Variants in MALRD1 observed in about 807,000 individuals in gnomAD.
MALRD1 encodes MAM and LDL receptor class A domain containing 1, also known as MAM and LDL-receptor class A domain-containing protein 1.
Under a neutral mutation model 242.1 loss-of-function variants are expected in MALRD1, and 247 were observed. That is an observed-to-expected ratio of 1.02 (90% CI 0.92 to 1.13). The LOEUF (loss-of-function observed/expected upper bound fraction) is 1.13, where lower values mean the gene tolerates loss of function less well. Among genes scored for constraint, MALRD1 ranks in the 50% most tolerant of loss-of-function variants. The probability of loss-of-function intolerance (pLI) is 0.00; values close to 1 mark genes in which losing one functional copy is unlikely to be tolerated. For synonymous variants in MALRD1, 995 were observed against 866.6 expected, an observed-to-expected ratio of 1.15 and a Z score of -2.60; for missense variants, 2,989 against 2,533.1, an observed-to-expected ratio of 1.18 and a Z score of -3.86.
intron 32 of MALRD1, among the ~76,000 whole-genome samples, chr10:19,547,192 G>A (rs985204891): frequency 6.6e-6 from 1 of 152,026 alleles, no homozygotes. Context: ...CTAATTACTT[G>A]GTCTCTTTCA....
At chr10:19,193,469 C>T (rs1171272680) in intron 14 of MALRD1, among the ~76,000 whole-genome samples, 3 of 152,112 alleles carry the variant, frequency 2.0e-5, no homozygotes, top group Non-Finnish European at 4.4e-5. Context: ...ATGAAAGGAT[C>T]TCTTGAGCCT....
chr10:19,428,943 A>C (rs1834010810), intron 28 of MALRD1, among the ~76,000 whole-genome samples: 1 of 152,192 alleles, frequency 6.6e-6, no homozygotes, highest in South Asian at 2.1e-4. Context: ...ACATGAGCCT[A>C]TCTGTAGTCT....
intron 26 of MALRD1, among the ~76,000 whole-genome samples, chr10:19,377,111 A>G (rs1177068691): frequency 6.6e-6 from 1 of 152,208 alleles, no homozygotes; most frequent in African/African-American, 2.4e-5. Context: ...ATGCTGAGGC[A>G]TAAATAAAAC....
chr10:19,576,609 C>A (rs1189522011), intron 33 of MALRD1, among the ~76,000 whole-genome samples: 1 of 152,188 alleles, frequency 6.6e-6, no homozygotes, highest in Non-Finnish European at 1.5e-5. Context: ...AGTACACCTA[C>A]TGACTTGTCT....
At chr10:19,210,926 G>T (rs1026818597) in intron 18 of MALRD1, among the ~76,000 whole-genome samples, 6 of 152,162 alleles carry the variant, frequency 3.9e-5, no homozygotes, top group African/African-American at 1.2e-4. Context: ...GTAAGCGTGA[G>T]AATGAATCCC....
chr10:19,506,167 GGGAAA>G (rs1326715534), intron 31 of MALRD1, among the ~76,000 whole-genome samples: 1 of 152,120 alleles, frequency 6.6e-6, no homozygotes, highest in East Asian at 1.9e-4. Flanking sequence ...GAAGTCTGTT[GGGAAA>G]ACAGTTCTTT....
intron 18 of MALRD1, among the ~76,000 whole-genome samples, chr10:19,227,936 A>C (rs997760754): frequency 4.6e-5 from 7 of 152,196 alleles, no homozygotes; most frequent in African/African-American, 1.4e-4. Flanking sequence ...CACCCACTGG[A>C]GTGGCTGACA....
chr10:19,567,438 A>T (rs1836304781), intron 32 of MALRD1, 64 bp from the exon 33 acceptor site: 2 of 1,337,016 alleles, frequency 1.5e-6, no homozygotes, highest in South Asian at 1.3e-5. Context: ...TTCATCAATC[A>T]TCTGGATGTC....
chr10:19,624,722 C>A (rs778681705), intron 36 of MALRD1, among the ~76,000 whole-genome samples: 1 of 151,554 alleles, frequency 6.6e-6, no homozygotes, highest in East Asian at 2.0e-4. Flanking sequence ...AAAAATTAGC[C>A]GGGGGTGATG....
In MALRD1 at chr10:19,183,657, T is replaced by A. The variant is rs530319477; in HGVS notation, c.1951+8329T>A. ...TTATTAAGTTTGCTAAAAATTTAGGTCTTCAGTGCCTTGAAATATTTTCAG... is the reference window on the plus strand; with the variant it reads ...TTATTAAGTTTGCTAAAAATTTAGGACTTCAGTGCCTTGAAATATTTTCAG... On this transcript the variant is annotated intron_variant, in intron 14 of 39. Coordinates refer to ENST00000454679, the MANE Select transcript of MALRD1 (RefSeq NM_001142308.3). 2.6e-5 allele frequency among the ~76,000 whole-genome samples: 4 copies of A among 152,314 alleles called. No homozygotes were observed. In the South Asian group the frequency reaches 8.3e-4, roughly 32 times the overall value.
intron 14 of MALRD1, among the ~76,000 whole-genome samples, chr10:19,201,475 A>C (rs1176133278): frequency 6.6e-6 from 1 of 152,200 alleles, no homozygotes; most frequent in Non-Finnish European, 1.5e-5. Flanking sequence ...TTCCCCTTCC[A>C]GGTAGCTATG....
chr10:19,397,258 A>G (rs1299072240), intron 28 of MALRD1, among the ~76,000 whole-genome samples: 2 of 152,024 alleles, frequency 1.3e-5, no homozygotes, highest in African/African-American at 4.8e-5. Flanking sequence ...TGTCCCCTCC[A>G]CATTCTCTAG....
chr10:19,491,272 C>T (rs1837481833), intron 29 of MALRD1: 4 of 701,724 alleles, frequency 5.7e-6, no homozygotes. Context: ...ATGAGAATCA[C>T]AGGCAAGGAG....
chr10:19,650,914 C>G (rs1484371759), intron 36 of MALRD1, among the ~76,000 whole-genome samples: 1 of 152,116 alleles, frequency 6.6e-6, no homozygotes, highest in Non-Finnish European at 1.5e-5. Flanking sequence ...ACAGTCAATC[C>G]TGACAGCAGG....
intron 34 of MALRD1, among the ~76,000 whole-genome samples, chr10:19,605,419 C>T (rs549970182): frequency 8.6e-5 from 13 of 151,210 alleles, no homozygotes; most frequent in South Asian, 4.2e-4. Flanking sequence ...CTGCCCACCT[C>T]GGCATTCCAA....
At chr10:19,160,977 A>T (rs1248040218) in intron 12 of MALRD1, among the ~76,000 whole-genome samples, 2 of 151,790 alleles carry the variant, frequency 1.3e-5, no homozygotes, top group African/African-American at 2.4e-5. Flanking sequence ...TTCTGCTCTG[A>T]TTTGACCCAG....
chr10:19,088,146 G>T lies in MALRD1; in HGVS notation c.558G>T (p.Glu186Asp). ...QNTAALPNQW[E>D]RNVIKIQSSQ... ...CAGCTGCACTCCCAAATCAGTGGGA[G>T]AGAAATGTCATCAAAATCCAGAGTT... The change falls in exon 4 of 40, where the codon GAG becomes GAT. Residue 186 changes from glutamate to aspartate, a missense_variant. Transcript: ENST00000454679. 8.1e-7 allele frequency: 1 copy of T among 1,233,470 alleles called. No homozygotes were observed. The highest frequency in any genetic ancestry group is 1.0e-6 in the Non-Finnish European group (1 of 987,864). The allele number at this position is 1,233,470 out of a possible 1,614,324, so 76.4% of individuals were successfully genotyped here.
At chr10:19,391,533 T>C (rs1249494569) in intron 28 of MALRD1, among the ~76,000 whole-genome samples, 1 of 152,212 alleles carries the variant, frequency 6.6e-6, no homozygotes, top group Non-Finnish European at 1.5e-5. Context: ...TCTTCGTCTT[T>C]TAAGATGTTC....
intron 37 of MALRD1, 28 bp from the exon 38 acceptor site, chr10:19,692,430 T>A (rs1428322107): frequency 2.0e-6 from 3 of 1,532,604 alleles, no homozygotes; most frequent in Middle Eastern, 1.7e-4. Flanking sequence ...ACTGCATATT[T>A]ATCTTTTTCT....
Sources: gnomAD v4.1 joint callset for allele counts (sites outside exome capture counted in the v4.1 genomes callset) on GRCh38, gnomAD v4.1.1 for gene constraint, MANE v1.5 for transcripts, NCBI Gene and HGNC (gene_info 2026-07-23, HGNC 2026-07-21) for gene names.